The following HS6ST2 variants were observed in gnomAD, a reference collection of about 807,000 sequenced individuals.
HS6ST2 encodes the protein heparan-sulfate 6-O-sulfotransferase 2.
In HS6ST2, 17 loss-of-function variants were observed where a neutral mutation model predicts 33.0. That is an observed-to-expected ratio of 0.52 (90% CI 0.35 to 0.77). The LOEUF (loss-of-function observed/expected upper bound fraction) is 0.77. HS6ST2 is among the 30% of genes least tolerant of loss of function. The pLI is 0.01. For synonymous variants in HS6ST2, 248 were observed against 237.1 expected (o/e 1.05, Z -0.42); for missense variants, 519 against 551.7 (o/e 0.94, Z 0.59).
chrX:132,684,086 A>G (rs1043088532), intron 3 of HS6ST2, among the ~76,000 whole-genome samples: 1 of 109,335 alleles, frequency 9.1e-6, no homozygotes, highest in South Asian at 4.0e-4. Flanking sequence ...GCTGGATAAT[A>G]GCATTCTCAA....
At position 132,671,811 on chromosome X, in the gene HS6ST2, T is replaced by A. The variant is rs760881584; in HGVS notation, c.981-2612A>T. On this transcript the variant is annotated intron_variant, in intron 3 of 4. Coordinates refer to ENST00000370833, the MANE Select transcript of HS6ST2 (RefSeq NM_001394073.1). ...AAGAATAGGGGTAAAATTAATCAAG[T>A]AACTGGAAATGTTTGTTCTGTGCAA... 3.6e-5 allele frequency among the ~76,000 whole-genome samples: 4 copies of A among 111,658 alleles called. No homozygotes were observed. The East Asian group carries it at 1.1e-3, about 31-fold the overall frequency.
chrX:132,661,013 C>A lies in HS6ST2; in HGVS notation c.1067+8100G>T, dbSNP rs145714791. 9.1e-3 allele frequency among the ~76,000 whole-genome samples: 1,014 copies of A among 111,447 alleles called. 10 individuals carry two copies. Among genetic ancestry groups the A allele is most frequent in the African/African-American group, 0.031 (952 of 30,644 alleles). ...AGGTAAGAGCCCCTTATAAAACCATCAGTTGTTGTGAGAACTCACTATCAC... is the reference window on the plus strand; with the variant it reads ...AGGTAAGAGCCCCTTATAAAACCATAAGTTGTTGTGAGAACTCACTATCAC... On this transcript the variant is annotated intron_variant, in intron 4 of 4. Transcript: ENST00000370833.
chrX:132,866,298 G>T (rs1238833730), intron 2 of HS6ST2, among the ~76,000 whole-genome samples: 1 of 107,903 alleles, frequency 9.3e-6, no homozygotes, highest in African/African-American at 3.4e-5. Flanking sequence ...GTAGATAGCA[G>T]CGTTATTTCT....
At chrX:132,757,479 C>T (rs2064767113) in intron 2 of HS6ST2, among the ~76,000 whole-genome samples, 1 of 111,328 alleles carries the variant, frequency 9.0e-6, no homozygotes, top group Admixed American at 9.5e-5. Flanking sequence ...TAATATGATT[C>T]GTGGCACCTG....
chrX:132,881,377 G>A (rs2066171085), intron 2 of HS6ST2, among the ~76,000 whole-genome samples: 1 of 111,928 alleles, frequency 8.9e-6, no homozygotes, highest in African/African-American at 3.3e-5. Context: ...CTGATGGCCA[G>A]TGATGATGAG....
rs191166846 is a variant in HS6ST2, at chrX:132,730,116, G to T, written c.948-21622C>A. ...GAAACTTAAGGAAGCTGAGAATTTT[G>T]GATCTGCAAGTCAAGAAGAGCAGAA... On this transcript the variant is annotated intron_variant, in intron 2 of 4. Transcript: ENST00000370833. Among the ~76,000 whole-genome samples the T allele has an allele frequency of 8.1e-5, 9 of 111,316 alleles. No individual in the cohort carries two copies. The East Asian group carries it at 2.5e-3, about 31-fold the overall frequency.
At chrX:132,666,002 G>A (rs2093863439) in intron 4 of HS6ST2, among the ~76,000 whole-genome samples, 1 of 111,823 alleles carries the variant, frequency 8.9e-6, no homozygotes, top group African/African-American at 3.3e-5. Context: ...CTGAATCTCA[G>A]TAGGCTCCAA....
Position 132,787,420 on chromosome X carries a change from G to T in HS6ST2, c.948-78926C>A, listed in dbSNP as rs1183060463. 1.2e-4 allele frequency among the ~76,000 whole-genome samples: 12 copies of T among 97,920 alleles called. 2 individuals carry two copies. The highest frequency in any genetic ancestry group is 4.5e-4 in the African/African-American group (12 of 26,626). The allele number at this position is 97,920 out of a possible 115,157, so 85.0% of individuals were successfully genotyped here. ...CGATTCTCCTGCCTCAGCCTCCCAA[G>T]TAGCTGGGATTACAGGCACCCACCA... On this transcript the variant is annotated intron_variant, in intron 2 of 4. Coordinates refer to ENST00000370833, the MANE Select transcript of HS6ST2 (RefSeq NM_001394073.1).
intron 2 of HS6ST2, among the ~76,000 whole-genome samples, chrX:132,807,854 G>C (rs1025722366): frequency 8.9e-5 from 10 of 112,092 alleles, no homozygotes; most frequent in Non-Finnish European, 1.9e-5. Flanking sequence ...TCACAGCTGA[G>C]AGTGCGCTGG....
intron 2 of HS6ST2, among the ~76,000 whole-genome samples, chrX:132,740,583 A>T (rs1287901274): frequency 8.9e-6 from 1 of 112,374 alleles, no homozygotes; most frequent in Non-Finnish European, 1.9e-5. Flanking sequence ...AGACTAAGAA[A>T]AAAGAGAAGA....
chrX:132,708,654 G>T (rs1050563306), intron 2 of HS6ST2, 160 bp from the exon 3 acceptor site: 1 of 446,603 alleles, frequency 2.2e-6, no homozygotes, highest in Non-Finnish European at 3.9e-6. Context: ...TTCCCCACTG[G>T]CTCCTCTCAA....
chrX:132,679,096 C>A (rs2063947398), intron 3 of HS6ST2, among the ~76,000 whole-genome samples: 1 of 112,136 alleles, frequency 8.9e-6, no homozygotes, highest in Admixed American at 9.5e-5. Context: ...CTTGACAGAA[C>A]TTAGCTAGCA....
chrX:132,796,372 C>G (rs1188049760), intron 2 of HS6ST2, among the ~76,000 whole-genome samples: 2 of 112,218 alleles, frequency 1.8e-5, no homozygotes, highest in African/African-American at 6.5e-5. Flanking sequence ...TCTTGCTGCC[C>G]TTGATGGCAC....
intron 2 of HS6ST2, among the ~76,000 whole-genome samples, chrX:132,920,887 T>C (rs5977784): frequency 0.11 from 12,472 of 111,978 alleles, 1,665 homozygotes; most frequent in African/African-American, 0.38. Context: ...CCCCTGCCTC[T>C]GCTCCCACCC....
intron 2 of HS6ST2, among the ~76,000 whole-genome samples, chrX:132,870,943 A>C (rs889062306): frequency 2.7e-5 from 3 of 111,353 alleles, no homozygotes; most frequent in Non-Finnish European, 5.7e-5. Flanking sequence ...ACAGCTGTGC[A>C]CAGCAAAAAA....
intron 4 of HS6ST2, among the ~76,000 whole-genome samples, chrX:132,646,772 G>A (rs1421073935): frequency 9.0e-6 from 1 of 110,979 alleles, no homozygotes; most frequent in Non-Finnish European, 1.9e-5. Context: ...CCGAGACTGG[G>A]TAATTTATAA....
Position 132,958,330 on chromosome X carries a change from G to T in HS6ST2, c.273C>A (p.Ser91=). The T allele has an allele frequency of 2.5e-6, 3 of 1,197,930 alleles. No homozygotes were observed. The highest frequency in any genetic ancestry group is 3.4e-6 in the Non-Finnish European group (3 of 893,477). ...CGTGCATCCGCCTGCGGCGGCCCCG[G>T]GACAGCAGCGCGAAAAGCGGGGCGC... ...AACAPLFALL[S]RGRRRRMHVL... Residue 91 remains serine, a synonymous_variant, in exon 1 of 5, where the codon TCC becomes TCA. Transcript: ENST00000370833.
intron 3 of HS6ST2, among the ~76,000 whole-genome samples, chrX:132,701,547 A>G (rs2064144166): frequency 8.9e-6 from 1 of 112,228 alleles, no homozygotes; most frequent in African/African-American, 3.2e-5. Flanking sequence ...AGGGAGATGC[A>G]AGGGTACTTG....
intron 2 of HS6ST2, among the ~76,000 whole-genome samples, chrX:132,755,589 T>C (rs1043825013): frequency 1.5e-4 from 17 of 110,341 alleles, no homozygotes; most frequent in Non-Finnish European, 2.8e-4. Context: ...CCAAGGATGG[T>C]GTTAGGGTGG....
Sources: gnomAD v4.1 joint callset for allele counts (sites outside exome capture counted in the v4.1 genomes callset) on GRCh38, gnomAD v4.1.1 for gene constraint, MANE v1.5 for transcripts, NCBI Gene and HGNC (gene_info 2026-07-23, HGNC 2026-07-21) for gene names.